FMNL2: variants seen among roughly 807,000 people sequenced by gnomAD.
The protein encoded by FMNL2 is formin like 2, also known as formin-like protein 2.
FMNL2 carries 51 observed loss-of-function variants against 130.2 expected under a neutral mutation model. That is an observed-to-expected ratio of 0.39 (90% CI 0.31 to 0.49). The LOEUF is 0.49. FMNL2 is among the 20% of genes least tolerant of loss of function. The pLI, the probability that FMNL2 is intolerant of heterozygous loss-of-function variation, is 0.85. For synonymous variants in FMNL2, 465 were observed against 467.1 expected, an observed-to-expected ratio of 1.00 and a Z score of 0.06; for missense variants, 977 against 1,316.2, an observed-to-expected ratio of 0.74 and a Z score of 3.99.
intron 2 of FMNL2, 122 bp from the exon 3 acceptor site, chr2:152,542,617 C>G: frequency 1.1e-6 from 1 of 888,826 alleles, no homozygotes; most frequent in South Asian, 1.5e-5. Flanking sequence ...AAAATGACTG[C>G]TCGCAGGGCC....
At chr2:152,358,022 A>T (rs1682932200) in intron 1 of FMNL2, among the ~76,000 whole-genome samples, 2 of 152,206 alleles carry the variant, frequency 1.3e-5, no homozygotes, top group Non-Finnish European at 2.9e-5. Context: ...GGCACCATCC[A>T]ATCAGCTGCC....
intron 1 of FMNL2, among the ~76,000 whole-genome samples, chr2:152,475,004 G>T (rs911332559): frequency 3.9e-5 from 6 of 152,144 alleles, no homozygotes; most frequent in Non-Finnish European, 8.8e-5. Context: ...GCTCTCCAAG[G>T]TCTAAGTGAC....
intron 1 of FMNL2, among the ~76,000 whole-genome samples, chr2:152,464,474 C>G (rs974295607): frequency 4.6e-5 from 7 of 152,174 alleles, no homozygotes; most frequent in Non-Finnish European, 8.8e-5. Context: ...AATGTACCCC[C>G]CTGATGGACT....
chr2:152,451,009 C>T (rs75736409), intron 1 of FMNL2, among the ~76,000 whole-genome samples: 9,234 of 152,226 alleles, frequency 0.061, 540 homozygotes, highest in Admixed American at 0.21. Flanking sequence ...CTGCCTTCTA[C>T]GCTTGGAGTA....
chr2:152,471,779 C>T (rs191443108), intron 1 of FMNL2, among the ~76,000 whole-genome samples: 1 of 152,188 alleles, frequency 6.6e-6, no homozygotes, highest in East Asian at 1.9e-4. Flanking sequence ...TTGCTAATAA[C>T]ACTGCCAAGA....
chr2:152,422,925 G>A (rs1312645982), intron 1 of FMNL2, among the ~76,000 whole-genome samples: 2 of 152,196 alleles, frequency 1.3e-5, no homozygotes, highest in Non-Finnish European at 2.9e-5. Context: ...TGCAACAGTT[G>A]TGTCAGTTTT....
At chr2:152,524,795 G>T (rs1248700938) in intron 2 of FMNL2, among the ~76,000 whole-genome samples, 2 of 152,138 alleles carry the variant, frequency 1.3e-5, no homozygotes, top group Non-Finnish European at 2.9e-5. Context: ...AGAACTCTTA[G>T]CACAGTGGGT....
chr2:152,373,814 C>A (rs1244130832), intron 1 of FMNL2, among the ~76,000 whole-genome samples: 1 of 150,772 alleles, frequency 6.6e-6, no homozygotes, highest in East Asian at 1.9e-4. Flanking sequence ...TTTTTTTAAA[C>A]TCTCAGAAAT....
At chr2:152,608,538 TTATA>T (rs900262731) in intron 10 of FMNL2, among the ~76,000 whole-genome samples, 8 of 148,590 alleles carry the variant, frequency 5.4e-5, no homozygotes, top group African/African-American at 2.0e-4. Context: ...TATATATACT[TTATA>T]TATATACATA....
chr2:152,425,126 A>G (rs1195030651), intron 1 of FMNL2, among the ~76,000 whole-genome samples: 1 of 152,212 alleles, frequency 6.6e-6, no homozygotes, highest in South Asian at 2.1e-4. Flanking sequence ...TGGTCAAGTC[A>G]GTTTTCCAAA....
chr2:152,570,137 C>T (rs1162127271), intron 6 of FMNL2, among the ~76,000 whole-genome samples: 2 of 152,002 alleles, frequency 1.3e-5, no homozygotes, highest in South Asian at 2.1e-4. Flanking sequence ...CTATTGGTAT[C>T]TGCTGGGATA....
chr2:152,504,081 C>T (rs545064121), intron 1 of FMNL2, among the ~76,000 whole-genome samples: 2 of 152,278 alleles, frequency 1.3e-5, no homozygotes, highest in East Asian at 1.9e-4. Flanking sequence ...GTCCCAGCTA[C>T]GCGGGAGGTT....
chr2:152,385,379 C>CT (rs141049527), intron 1 of FMNL2, among the ~76,000 whole-genome samples: 8,874 of 152,248 alleles, frequency 0.058, 539 homozygotes, highest in Admixed American at 0.2. Context: ...GCTCAGAGGC[C>CT]TTTTACGTCT....
At chr2:152,580,057 G>A (rs1696696578) in intron 8 of FMNL2, among the ~76,000 whole-genome samples, 1 of 152,156 alleles carries the variant, frequency 6.6e-6, no homozygotes, top group Non-Finnish European at 1.5e-5. Context: ...AACCTTTTGC[G>A]ACTGTGCGAT....
intron 25 of FMNL2, among the ~76,000 whole-genome samples, chr2:152,642,151 A>G (rs562736524): frequency 1.8e-4 from 27 of 152,268 alleles, no homozygotes; most frequent in South Asian, 1.0e-3. Flanking sequence ...CGTGTTAGCC[A>G]GGATGGTCTC....
intron 9 of FMNL2, among the ~76,000 whole-genome samples, chr2:152,589,979 A>ATGTATATGTATATGTATG (rs1188116941): frequency 1.1e-4 from 5 of 44,492 alleles, no homozygotes; most frequent in East Asian, 9.9e-4. Context: ...ATATATATAT[A>ATGTATATGTATATGTATG]TATATGTATA....
intron 1 of FMNL2, among the ~76,000 whole-genome samples, chr2:152,439,479 A>G (rs1211426344): frequency 6.6e-6 from 1 of 152,198 alleles, no homozygotes; most frequent in Non-Finnish European, 1.5e-5. Context: ...ATAAGAAAAC[A>G]GATTAAAAAG....
chr2:152,514,756 T>TTC (rs199680341), intron 1 of FMNL2, among the ~76,000 whole-genome samples: 5 of 151,978 alleles, frequency 3.3e-5, no homozygotes, highest in South Asian at 2.1e-4. Flanking sequence ...TGTGAATGTG[T>TTC]TCTCTCTCTC....
At chr2:152,635,051 T>C (rs1426270301) in intron 21 of FMNL2, among the ~76,000 whole-genome samples, 1 of 152,186 alleles carries the variant, frequency 6.6e-6, no homozygotes, top group Non-Finnish European at 1.5e-5. Flanking sequence ...ATAATCTGAT[T>C]GAGAAATGGT....
Sources: allele counts gnomAD v4.1 joint callset (sites outside exome capture counted in the v4.1 genomes callset), GRCh38; gene constraint gnomAD v4.1.1; transcripts MANE v1.5; gene names NCBI Gene and HGNC (gene_info 2026-07-23, HGNC 2026-07-21).